Variants in XPNPEP3 observed in about 807,000 individuals in gnomAD.
The protein encoded by XPNPEP3 is X-prolyl aminopeptidase 3, also known as xaa-Pro aminopeptidase 3.
In XPNPEP3, 41 loss-of-function variants were observed where a neutral mutation model predicts 60.0. That is an observed-to-expected ratio of 0.68 (90% CI 0.53 to 0.89). The LOEUF (loss-of-function observed/expected upper bound fraction) is 0.89, where lower values mean the gene tolerates loss of function less well. XPNPEP3 is among the 40% of genes least tolerant of loss of function. The pLI is 0.00. For synonymous variants in XPNPEP3, 212 were observed against 223.2 expected (o/e 0.95, Z 0.45); for missense variants, 598 against 638.9 (o/e 0.94, Z 0.69).
Position 40,866,872 on chromosome 22 carries a change from A to C in XPNPEP3, c.65-2127A>C, listed in dbSNP as rs900342959. On this transcript the variant is annotated intron_variant, in intron 1 of 9. Coordinates refer to ENST00000357137, the MANE Select transcript of XPNPEP3 (RefSeq NM_022098.4). The stretch of plus-strand genomic sequence containing the variant: ...GCTCCCTCTGCTTGAGAGTGGTCCA[A>C]AATATGCTAGGATTATTTCATATGA... Among the ~76,000 whole-genome samples the C allele has an allele frequency of 1.3e-5, 2 of 152,232 alleles. 1 individual carries two copies.
chr22:40,879,244 G>T (rs893018173), intron 2 of XPNPEP3, among the ~76,000 whole-genome samples: 1 of 152,146 alleles, frequency 6.6e-6, no homozygotes, highest in East Asian at 1.9e-4. Flanking sequence ...CTTCACATTG[G>T]CCCGTAAGGC....
At chr22:40,905,458 C>G (rs2058151075) in intron 4 of XPNPEP3, among the ~76,000 whole-genome samples, 1 of 152,168 alleles carries the variant, frequency 6.6e-6, no homozygotes, top group Admixed American at 6.5e-5. Context: ...GCTCTGGGTT[C>G]TGAGGATACA....
intron 9 of XPNPEP3, among the ~76,000 whole-genome samples, chr22:40,925,968 T>G (rs1167237238): frequency 6.6e-6 from 1 of 152,200 alleles, no homozygotes; most frequent in Non-Finnish European, 1.5e-5. Context: ...ATTGGCCTGC[T>G]TGAGCCACTA....
rs770706790 is a variant in XPNPEP3, at chr22:40,903,493, AT to A, written c.793-4079del. ...ATCTGTGTCTTCCTTCAAGTCATTG[AT>A]TTTTTTTTTTTTTTAAGATGGAATC... On this transcript the variant is annotated intron_variant, in intron 4 of 9. Transcript: ENST00000357137. Among the ~76,000 whole-genome samples, 373 of 141,764 alleles carry A rather than the reference AT, an allele frequency of 2.6e-3. 1 individual carries two copies. Among genetic ancestry groups the A allele is most frequent in the Non-Finnish European group, 2.3e-3 (150 of 64,368 alleles). 93.0% of individuals were successfully genotyped at this position (141,764 alleles called of 152,430 possible).
At chr22:40,889,771 G>A (rs970710708) in intron 4 of XPNPEP3, among the ~76,000 whole-genome samples, 2 of 152,188 alleles carry the variant, frequency 1.3e-5, no homozygotes, top group African/African-American at 4.8e-5. Flanking sequence ...TAAGGTTACA[G>A]TGAAGTATTA....
At chr22:40,873,113 T>G (rs2058013725) in intron 2 of XPNPEP3, among the ~76,000 whole-genome samples, 2 of 136,774 alleles carry the variant, frequency 1.5e-5, no homozygotes, top group African/African-American at 5.5e-5. Context: ...TTTTTTTTTT[T>G]TTTTTTTTTT....
intron 4 of XPNPEP3, among the ~76,000 whole-genome samples, chr22:40,902,104 G>T (rs1241962853): frequency 7.6e-6 from 1 of 131,336 alleles, no homozygotes; most frequent in African/African-American, 3.0e-5. Context: ...ATGGAGTCTC[G>T]CTCTGTCGCC....
intron 6 of XPNPEP3, among the ~76,000 whole-genome samples, chr22:40,909,984 A>G (rs1341852736): frequency 6.6e-6 from 1 of 151,940 alleles, no homozygotes; most frequent in Non-Finnish European, 1.5e-5. Context: ...GTGAGGGAAC[A>G]TATCTTCTAT....
rs555456118 is a variant in XPNPEP3 at position 40,873,181 on chromosome 22, T to A, written c.181+4066T>A. On this transcript the variant is annotated intron_variant, in intron 2 of 9. Coordinates refer to ENST00000357137, the MANE Select transcript of XPNPEP3 (RefSeq NM_022098.4). ...AGTGCAGTGGCGTGATCCGGCTCAC[T>A]GCAACCTCCGCCTCCCAGATTCAAG... Among the ~76,000 whole-genome samples the A allele has an allele frequency of 1.2e-4, 17 of 142,306 alleles. 1 individual carries two copies. The South Asian group carries it at 3.7e-3, about 31-fold the overall frequency. 93.4% of individuals were successfully genotyped at this position (142,306 alleles called of 152,430 possible).
chr22:40,918,270 A>T (rs919494465), intron 7 of XPNPEP3, among the ~76,000 whole-genome samples: 1 of 152,096 alleles, frequency 6.6e-6, no homozygotes, highest in African/African-American at 2.4e-5. Flanking sequence ...GCTACTTAGG[A>T]TGCTGAGGTG....
In XPNPEP3 at chr22:40,907,453, C is replaced by G. The variant is rs1054257588; in HGVS notation, c.793-134C>G. 7.1e-5 allele frequency: 61 copies of G among 856,404 alleles called. 1 individual carries two copies. In the African/African-American group the frequency reaches 8.7e-4, roughly 12 times the overall value. 53.1% of individuals were successfully genotyped at this position (856,404 alleles called of 1,614,324 possible). A position where few individuals can be genotyped will look rare whatever the true frequency, so the allele number is the denominator to read the frequency against. On this transcript the variant is annotated intron_variant, in intron 4 of 9. Coordinates refer to ENST00000357137, the MANE Select transcript of XPNPEP3 (RefSeq NM_022098.4). ...AAACAAAAAAAACTGTATTATTACCCCCAGTAGGTCACAACTTCAGGCTGA... is the reference window on the plus strand; with the variant it reads ...AAACAAAAAAAACTGTATTATTACCGCCAGTAGGTCACAACTTCAGGCTGA...
chr22:40,921,038 C>A (rs570159434), intron 7 of XPNPEP3, among the ~76,000 whole-genome samples: 4 of 152,146 alleles, frequency 2.6e-5, no homozygotes, highest in African/African-American at 9.6e-5. Flanking sequence ...GTGATCCACC[C>A]GCCTCGGCCT....
chr22:40,916,434 CAA>C (rs758744101), intron 7 of XPNPEP3, among the ~76,000 whole-genome samples: 1 of 151,864 alleles, frequency 6.6e-6, no homozygotes, highest in Non-Finnish European at 1.5e-5. Context: ...GAAATAGAAA[CAA>C]AAAAGAACCA....
chr22:40,899,733 T>A (rs2058123987), intron 4 of XPNPEP3, among the ~76,000 whole-genome samples: 1 of 150,736 alleles, frequency 6.6e-6, no homozygotes, highest in Non-Finnish European at 1.5e-5. Context: ...ACAGGAGAAT[T>A]GCTTGAACCT....
chr22:40,906,916 A>G (rs2058157702), intron 4 of XPNPEP3, among the ~76,000 whole-genome samples: 1 of 152,196 alleles, frequency 6.6e-6, no homozygotes. Context: ...GTATCCTCAT[A>G]TGGCAGAAGA....
chr22:40,909,333 T>C, intron 6 of XPNPEP3, 98 bp downstream of exon 6: 1 of 926,274 alleles, frequency 1.1e-6, no homozygotes, highest in South Asian at 1.3e-5. Flanking sequence ...TTTCACAAAT[T>C]AGCTGACATT....
chr22:40,920,613 T>G (rs2058212799), intron 7 of XPNPEP3, among the ~76,000 whole-genome samples: 1 of 152,190 alleles, frequency 6.6e-6, no homozygotes, highest in African/African-American at 2.4e-5. Context: ...CTGTTAGAAC[T>G]TTTCTGACCC....
chr22:40,861,813 T>G, intron 1 of XPNPEP3: 1 of 1,612,540 alleles, frequency 6.2e-7, no homozygotes, highest in Admixed American at 1.7e-5. Flanking sequence ...AATGTCCCGT[T>G]TCTCATCATT....
At chr22:40,878,629 C>T (rs2058036405) in intron 2 of XPNPEP3, among the ~76,000 whole-genome samples, 1 of 150,834 alleles carries the variant, frequency 6.6e-6, no homozygotes, top group Non-Finnish European at 1.5e-5. Flanking sequence ...CTCTGTCGCT[C>T]AGGCCGGAAT....
Sources: allele counts gnomAD v4.1 joint callset (sites outside exome capture counted in the v4.1 genomes callset), GRCh38; gene constraint gnomAD v4.1.1; transcripts MANE v1.5; gene names NCBI Gene and HGNC (gene_info 2026-07-23, HGNC 2026-07-21).